Variants in KCNIP1 observed in about 807,000 individuals in gnomAD.
KCNIP1 encodes the protein A-type potassium channel modulatory protein KCNIP1.
In KCNIP1, 18 loss-of-function variants were observed where a neutral mutation model predicts 33.0. That is an observed-to-expected ratio of 0.55 (90% CI 0.38 to 0.81). The LOEUF (loss-of-function observed/expected upper bound fraction) is 0.81, where lower values mean the gene tolerates loss of function less well. Among genes scored for constraint, KCNIP1 ranks in the 30% least tolerant of loss-of-function variants. KCNIP1 has a pLI of 0.00. For missense variants in KCNIP1, 238 were observed against 271.6 expected, an observed-to-expected ratio of 0.88 and a Z score of 0.87; for synonymous variants, 93 against 98.3, an observed-to-expected ratio of 0.95 and a Z score of 0.32.
intron 1 of KCNIP1, among the ~76,000 whole-genome samples, chr5:170,621,499 C>T (rs144420445): frequency 6.6e-6 from 1 of 152,078 alleles, no homozygotes; most frequent in African/African-American, 2.4e-5. Flanking sequence ...GTCAGTCATA[C>T]TCCTCTTTAT....
intron 1 of KCNIP1, among the ~76,000 whole-genome samples, chr5:170,496,238 G>C (rs1204674970): frequency 6.6e-6 from 1 of 152,214 alleles, no homozygotes; most frequent in African/African-American, 2.4e-5. Flanking sequence ...CACTCAAAGG[G>C]CTGGGGACCC....
At position 170,640,317 on chromosome 5, in the gene KCNIP1, A is replaced by G. The variant is rs79740403; in HGVS notation, c.62-78441A>G. ...ACATTAGTATATCAACATTGTGAGT[A>G]GGGCACGCAGGGAAGAAACCTGTTC... On this transcript the variant is annotated intron_variant, in intron 1 of 7. Transcript: ENST00000328939. Among the ~76,000 whole-genome samples the G allele has an allele frequency of 9.0e-3, 1,377 of 152,356 alleles. 26 individuals are homozygous for G. The highest frequency in any genetic ancestry group is 0.03 in the African/African-American group (1,260 of 41,576).
chr5:170,572,151 C>A (rs1250473223), intron 1 of KCNIP1, among the ~76,000 whole-genome samples: 5 of 152,176 alleles, frequency 3.3e-5, no homozygotes, highest in Admixed American at 1.3e-4. Flanking sequence ...GAAATGTGAA[C>A]CAGTGCAGCC....
At chr5:170,503,631 G>A (rs997553668), upstream of KCNIP1, among the ~76,000 whole-genome samples, 1 of 151,246 alleles carries the variant, frequency 6.6e-6, no homozygotes, top group Non-Finnish European at 1.5e-5. Context: ...ATGAGTTCAG[G>A]CAGTGGGTTA....
At chr5:170,357,528 CTTTA>C (rs138002320) in intron 1 of KCNIP1, among the ~76,000 whole-genome samples, 90 of 152,232 alleles carry the variant, frequency 5.9e-4, no homozygotes, top group Non-Finnish European at 9.7e-4. Context: ...TACTGCATGA[CTTTA>C]TTTATTTATT....
At chr5:170,429,875 G>A (rs1755702335) in intron 1 of KCNIP1, among the ~76,000 whole-genome samples, 1 of 152,188 alleles carries the variant, frequency 6.6e-6, no homozygotes, top group South Asian at 2.1e-4. Flanking sequence ...TTTGTGAAAT[G>A]TAACCTACAG....
At chr5:170,526,784 G>A (rs145980704) in intron 1 of KCNIP1, among the ~76,000 whole-genome samples, 1,611 of 148,692 alleles carry the variant, frequency 0.011, 32 homozygotes, top group African/African-American at 0.037. Context: ...ATGCAGTGGC[G>A]CGATCTCAGC....
At chr5:170,428,798 T>A (rs1755669998) in intron 1 of KCNIP1, among the ~76,000 whole-genome samples, 1 of 152,236 alleles carries the variant, frequency 6.6e-6, no homozygotes, top group African/African-American at 2.4e-5. Flanking sequence ...GATCAAAGCC[T>A]GGTTCTATGT....
chr5:170,517,689 GT>G (rs2113292458), intron 1 of KCNIP1, among the ~76,000 whole-genome samples: 1 of 151,990 alleles, frequency 6.6e-6, no homozygotes, highest in East Asian at 1.9e-4. Flanking sequence ...AGTGACGGTG[GT>G]GATGATGGTG....
chr5:170,622,451 G>A (rs990762541), intron 1 of KCNIP1, among the ~76,000 whole-genome samples: 19 of 151,790 alleles, frequency 1.3e-4, no homozygotes, highest in Admixed American at 1.2e-3. Context: ...GTGAAACCCC[G>A]TCTCTACTAA....
In KCNIP1 at chr5:170,477,080, T is replaced by C. The variant is rs116560756; in HGVS notation, c.88+123116T>C. Among the ~76,000 whole-genome samples the C allele has an allele frequency of 2.6e-3, 400 of 152,326 alleles. 1 individual carries two copies. Among genetic ancestry groups the C allele is most frequent in the African/African-American group, 9.2e-3 (381 of 41,570 alleles). Reference sequence around the variant, plus strand: ...GAGACAGATAAATGGGAATTCTCTGTACTTTCTGCTCAATTTTACTGTGAA... The same window carrying C: ...GAGACAGATAAATGGGAATTCTCTGCACTTTCTGCTCAATTTTACTGTGAA... On this transcript the variant is annotated intron_variant, in intron 1 of 7. Transcript: ENST00000377360.
intron 1 of KCNIP1, among the ~76,000 whole-genome samples, chr5:170,528,664 C>T (rs1755670888): frequency 6.6e-6 from 1 of 152,190 alleles, no homozygotes; most frequent in Non-Finnish European, 1.5e-5. Context: ...ACTCCCCACC[C>T]CCGTCTCTCT....
At chr5:170,521,191 G>A (rs11745406) in intron 1 of KCNIP1, among the ~76,000 whole-genome samples, 38,540 of 152,076 alleles carry the variant, frequency 0.25, 5,133 homozygotes, top group East Asian at 0.45. Context: ...ATCAGCCATG[G>A]CAGACACAGA....
chr5:170,502,273 CT>C (rs1267845878), upstream of KCNIP1, among the ~76,000 whole-genome samples: 1 of 152,216 alleles, frequency 6.6e-6, no homozygotes, highest in Admixed American at 6.5e-5. Context: ...TGCCCCTCCC[CT>C]GTTGCACAAA....
chr5:170,375,559 GCCCC>G (rs879715343), intron 1 of KCNIP1: 3,663 of 131,412 alleles, frequency 0.028, 98 homozygotes, highest in African/African-American at 0.071. Context: ...AGCTGGCTCT[GCCCC>G]TCAGCCCTTC....
intron 1 of KCNIP1, among the ~76,000 whole-genome samples, chr5:170,436,711 A>T (rs10064231): frequency 3.9e-5 from 6 of 152,116 alleles, no homozygotes; most frequent in African/African-American, 1.4e-4. Context: ...GCAGTGTTTT[A>T]GCTCAGACTT....
intron 1 of KCNIP1, among the ~76,000 whole-genome samples, chr5:170,399,865 A>G (rs1387442025): frequency 3.3e-5 from 5 of 152,184 alleles, no homozygotes; most frequent in African/African-American, 9.7e-5. Flanking sequence ...TGTTCATGTC[A>G]TCTTTGCTCA....
intron 1 of KCNIP1, among the ~76,000 whole-genome samples, chr5:170,519,350 T>C (rs1047186510): frequency 4.6e-5 from 7 of 152,112 alleles, no homozygotes; most frequent in African/African-American, 1.7e-4. Flanking sequence ...AGCGGGGTTG[T>C]TGAGATAGAT....
intron 1 of KCNIP1, among the ~76,000 whole-genome samples, chr5:170,530,174 GCT>G (rs1165912842): frequency 1.3e-5 from 2 of 151,862 alleles, no homozygotes; most frequent in Non-Finnish European, 2.9e-5. Context: ...GGTGCTCATG[GCT>G]CATAACATGT....
Sources: gnomAD v4.1 joint callset for allele counts (sites outside exome capture counted in the v4.1 genomes callset) on GRCh38, gnomAD v4.1.1 for gene constraint, MANE v1.5 for transcripts, NCBI Gene and HGNC (gene_info 2026-07-23, HGNC 2026-07-21) for gene names.